The following AGBL1 variants were observed in gnomAD, a reference collection of about 807,000 sequenced individuals.
The protein encoded by AGBL1 is cytosolic carboxypeptidase 4.
AGBL1 carries 130 observed loss-of-function variants against 118.9 expected under a neutral mutation model. The observed-to-expected ratio is 1.09, with a 90% CI of 0.95 to 1.26. AGBL1 has a LOEUF of 1.26. Among genes scored for constraint, AGBL1 ranks in the 50% most tolerant of loss-of-function variants. The probability of loss-of-function intolerance (pLI) is 0.00; values close to 1 mark genes in which losing one functional copy is unlikely to be tolerated. For missense variants in AGBL1, 1,584 were observed against 1,298.1 expected (o/e 1.22, Z -3.38); for synonymous variants, 555 against 478.9 (o/e 1.16, Z -2.08).
In AGBL1 at chr15:86,880,399, C is replaced by A. The variant is rs571534711; in HGVS notation, c.3159-26688C>A. Among the ~76,000 whole-genome samples, 9 of 152,264 alleles carry A rather than the reference C, an allele frequency of 5.9e-5. No individual in the cohort carries two copies. The South Asian group carries it at 8.3e-4, about 14-fold the overall frequency. The stretch of plus-strand genomic sequence containing the variant: ...GGGAAACAGGGAGCAAACTTGTAAA[C>A]ATCTCAGGCATGGAGCAGGGGATGG... On this transcript the variant is annotated intron_variant, in intron 22 of 22. Transcript: ENST00000614907.
chr15:86,759,645 G>C (rs1257921107), intron 22 of AGBL1, among the ~76,000 whole-genome samples: 2 of 152,088 alleles, frequency 1.3e-5, no homozygotes, highest in African/African-American at 4.8e-5. Flanking sequence ...AGAAAGTCAT[G>C]ATTTGAGATG....
intron 1 of AGBL1, among the ~76,000 whole-genome samples, chr15:86,118,756 T>G (rs964916961): frequency 6.6e-6 from 1 of 151,980 alleles, no homozygotes; most frequent in African/African-American, 2.4e-5. Flanking sequence ...GCTAAAGCTT[T>G]TTTTGGGTGG....
intron 21 of AGBL1, among the ~76,000 whole-genome samples, chr15:86,609,675 G>A (rs1337526268): frequency 3.3e-5 from 5 of 152,078 alleles, no homozygotes; most frequent in African/African-American, 1.2e-4. Flanking sequence ...AAATAACTTG[G>A]CATAACAAAC....
rs1355298933 is a variant in AGBL1, at chr15:86,749,174, CTT to C, written c.3158+74741_3158+74742del. Among the ~76,000 whole-genome samples, 31 of 152,242 alleles carry C rather than the reference CTT, an allele frequency of 2.0e-4. 1 individual carries two copies. In the South Asian group the frequency reaches 6.4e-3, roughly 32 times the overall value. On this transcript the variant is annotated intron_variant, in intron 22 of 22. Coordinates refer to ENST00000614907, the MANE Select transcript of AGBL1 (RefSeq NM_001386094.1). ...ATGTTCTTCCATTTGTTTGTGTCCT[CTT>C]TTATTTCGTTGAGCAGTGATTTGTA...
At chr15:86,156,333 A>C (rs766336976) in intron 4 of AGBL1, among the ~76,000 whole-genome samples, 2 of 152,080 alleles carry the variant, frequency 1.3e-5, no homozygotes, top group Non-Finnish European at 2.9e-5. Flanking sequence ...TGTCCTCACA[A>C]GGTCTTTCTT....
At chr15:86,792,493 T>C (rs1032086676) in intron 22 of AGBL1, among the ~76,000 whole-genome samples, 3 of 152,178 alleles carry the variant, frequency 2.0e-5, no homozygotes, top group Non-Finnish European at 2.9e-5. Context: ...AGATTTTTAT[T>C]GGGAGTTTCA....
chr15:86,876,204 C>T (rs1260271394), intron 22 of AGBL1, among the ~76,000 whole-genome samples: 2 of 152,150 alleles, frequency 1.3e-5, no homozygotes, highest in Non-Finnish European at 2.9e-5. Flanking sequence ...CCAGGAGGCC[C>T]TTCTAAGCAG....
intron 22 of AGBL1, among the ~76,000 whole-genome samples, chr15:86,737,089 C>T (rs897206581): frequency 2.0e-5 from 3 of 152,218 alleles, no homozygotes; most frequent in Admixed American, 6.5e-5. Context: ...TGACACATAC[C>T]TTGTCTTCAA....
At chr15:86,827,036 A>T (rs2079020707) in intron 22 of AGBL1, among the ~76,000 whole-genome samples, 1 of 151,614 alleles carries the variant, frequency 6.6e-6, no homozygotes, top group African/African-American at 2.4e-5. Flanking sequence ...GAAGAGCCCT[A>T]CAATGTCATT....
intron 17 of AGBL1, among the ~76,000 whole-genome samples, chr15:86,390,143 C>T (rs908394125): frequency 6.6e-6 from 1 of 152,100 alleles, no homozygotes; most frequent in African/African-American, 2.4e-5. Context: ...GACATTAAGG[C>T]AATGCCTTAG....
intron 24 of AGBL1, among the ~76,000 whole-genome samples, chr15:87,014,069 G>A (rs28590537): frequency 0.1 from 15,706 of 152,136 alleles, 1,629 homozygotes; most frequent in African/African-American, 0.27. Context: ...ATAAATGATA[G>A]ACACTTATTA....
chr15:86,920,335 C>A (rs983745618), downstream of AGBL1, among the ~76,000 whole-genome samples: 2 of 152,186 alleles, frequency 1.3e-5, no homozygotes, highest in East Asian at 3.9e-4. Flanking sequence ...TTAACCACCA[C>A]CCCTCCCTGA....
chr15:86,560,853 G>C lies in AGBL1; in HGVS notation c.2994+6316G>C, dbSNP rs969665559. Among the ~76,000 whole-genome samples, 93 of 152,212 alleles carry C rather than the reference G, an allele frequency of 6.1e-4. 1 individual carries two copies. The highest frequency in any genetic ancestry group is 3.4e-3 in the Middle Eastern group (1 of 294). ...CATTCTAACTGGTGTGAGATGGTAT[G>C]TCATTGTGGTTTTGATTTGCATTTC... On this transcript the variant is annotated intron_variant, in intron 21 of 22. Transcript: ENST00000614907.
At chr15:86,272,144 A>G (rs1033610837) in intron 15 of AGBL1, among the ~76,000 whole-genome samples, 8 of 152,224 alleles carry the variant, frequency 5.3e-5, no homozygotes, top group South Asian at 4.1e-4. Flanking sequence ...ACAATTACAC[A>G]TAAGTAACTC....
intron 1 of AGBL1, among the ~76,000 whole-genome samples, chr15:86,107,962 G>A (rs1897148951): frequency 6.6e-6 from 1 of 152,140 alleles, no homozygotes; most frequent in Non-Finnish European, 1.5e-5. Flanking sequence ...TAAGAACCAA[G>A]ACAACAACCA....
intron 22 of AGBL1, among the ~76,000 whole-genome samples, chr15:86,736,025 C>G (rs867429649): frequency 1.3e-5 from 2 of 152,142 alleles, no homozygotes; most frequent in Non-Finnish European, 2.9e-5. Context: ...ACCAAGTTTA[C>G]TGCAGCAAGG....
Position 86,619,131 on chromosome 15 carries a change from A to G in AGBL1, c.2995-55142A>G, listed in dbSNP as rs1030740417. 1.2e-4 allele frequency among the ~76,000 whole-genome samples: 18 copies of G among 152,248 alleles called. No individual in the cohort carries two copies. In the East Asian group the frequency reaches 2.1e-3, roughly 18 times the overall value. ...TTCATTTAAAAGCTAATATATATAT[A>G]TCAAGTGCCTGCTATGAATGAGGCA... is the stretch of plus-strand genomic sequence containing the variant. On this transcript the variant is annotated intron_variant, in intron 21 of 22. Coordinates refer to ENST00000614907, the MANE Select transcript of AGBL1 (RefSeq NM_001386094.1).
At chr15:86,316,436 A>G (rs2080011538) in intron 17 of AGBL1, among the ~76,000 whole-genome samples, 1 of 152,206 alleles carries the variant, frequency 6.6e-6, no homozygotes, top group Non-Finnish European at 1.5e-5. Context: ...CAAACGCAGG[A>G]GTGAACGGAG....
intron 5 of AGBL1, among the ~76,000 whole-genome samples, chr15:86,178,072 G>A (rs2077505145): frequency 6.6e-6 from 1 of 152,216 alleles, no homozygotes; most frequent in Non-Finnish European, 1.5e-5. Flanking sequence ...CCAGCACTTT[G>A]GGAGGCCAAG....
Sources: gnomAD v4.1 joint callset for allele counts (sites outside exome capture counted in the v4.1 genomes callset) on GRCh38, gnomAD v4.1.1 for gene constraint, MANE v1.5 for transcripts, NCBI Gene and HGNC (gene_info 2026-07-23, HGNC 2026-07-21) for gene names.